EQTN: variants seen among roughly 807,000 people sequenced by gnomAD.
The protein encoded by EQTN is Acrosome formation associated factor.
A neutral mutation model predicts 26.9 loss-of-function variants in EQTN; 29 were observed. The ratio of observed to expected loss-of-function variants is 1.08; its 90% CI spans 0.80 to 1.47. The LOEUF (loss-of-function observed/expected upper bound fraction) is 1.47. Ranked by LOEUF, EQTN falls within the 40% of genes most tolerant of loss-of-function variation. The pLI is 0.00. For synonymous variants in EQTN, 129 were observed against 120.0 expected (o/e 1.07, Z -0.49); for missense variants, 391 against 346.1 (o/e 1.13, Z -1.03).
chr9:27,289,850 C>A, intron 5 of EQTN, 119 bp from the exon 6 acceptor site: 2 of 644,360 alleles, frequency 3.1e-6, no homozygotes, highest in Non-Finnish European at 4.9e-6. Flanking sequence ...TCTCATTATT[C>A]GTGGCAGTTA....
intron 5 of EQTN, 103 bp from the exon 6 acceptor site, chr9:27,289,834 G>T (rs1980660): frequency 0.87 from 701,720 of 806,586 alleles, 305,572 homozygotes; most frequent in Admixed American, 0.91. Context: ...TGTGTGTACA[G>T]TCTGTTCTCA....
chr9:27,292,447 A>G lies in EQTN; in HGVS notation c.330T>C (p.Ile110=), dbSNP rs1206859391. ...VNATTYEKST[I]EEETTTSEPS... ...GTTCGCTAGTAGTTGTTTCTTCTTCAATGGTGGATTTTTCATATGTAGTTG... is the reference window on the plus strand; with the variant it reads ...GTTCGCTAGTAGTTGTTTCTTCTTCGATGGTGGATTTTTCATATGTAGTTG... The change falls in exon 4 of 8, where the codon ATT becomes ATC. Residue 110 remains isoleucine, a synonymous_variant. Transcript: ENST00000380032. The G allele has an allele frequency of 3.1e-6, 5 of 1,609,314 alleles. No individual in the cohort carries two copies. The highest frequency in any genetic ancestry group is 1.7e-5 in the Admixed American group (1 of 59,688).
intron 7 of EQTN, among the ~76,000 whole-genome samples, chr9:27,285,568 A>G (rs12551942): frequency 0.052 from 7,867 of 152,332 alleles, 408 homozygotes; most frequent in Admixed American, 0.16. Context: ...AATAAGAAAC[A>G]TGTACAATGA....
intron 5 of EQTN, among the ~76,000 whole-genome samples, chr9:27,289,939 T>A (rs1820197644): frequency 6.6e-6 from 1 of 152,240 alleles, no homozygotes; most frequent in South Asian, 2.1e-4. Context: ...GTTAGATTCC[T>A]GCAAGTCTGG....
Position 27,294,309 on chromosome 9 carries a change from T to G in EQTN, c.289+7A>C, listed in dbSNP as rs747192300. ...TTACATGTGCAATGGTGCCTTTCAC[T>G]TCTTACCGTTTTTTAGAGCAAAATT... On this transcript the variant is annotated splice_region_variant and intron_variant, in intron 3 of 7. Transcript: ENST00000380032. 1.6e-5 allele frequency: 26 copies of G among 1,604,764 alleles called. No homozygotes were observed. The highest frequency in any genetic ancestry group is 1.8e-5 in the Non-Finnish European group (21 of 1,173,312).
chr9:27,289,473 C>A (rs906499891), intron 6 of EQTN, among the ~76,000 whole-genome samples, 199 bp downstream of exon 6: 5 of 152,172 alleles, frequency 3.3e-5, no homozygotes, highest in African/African-American at 1.2e-4. Context: ...CTCACTCTGT[C>A]GCTCAGGCTG....
At chr9:27,290,866 C>A (rs1820220504) in intron 5 of EQTN, among the ~76,000 whole-genome samples, 153 bp downstream of exon 5, 2 of 152,156 alleles carry the variant, frequency 1.3e-5, no homozygotes, top group Admixed American at 1.3e-4. Context: ...ACTTTATCAC[C>A]TTTCTAGGTT....
chr9:27,284,891 T>C lies in EQTN; in HGVS notation c.717A>G (p.Ser239=). The C allele has an allele frequency of 3.7e-6, 6 of 1,614,128 alleles. No individual in the cohort carries two copies. Among genetic ancestry groups the C allele is most frequent in the Non-Finnish European group, 5.1e-6 (6 of 1,179,988 alleles). ...MSYFHPSEGV[S]DTSFSKSAES... is the part of the protein sequence containing the mutation. ...CTGCACTCTTGGAAAAGGATGTATC[T>C]GAAACACCTTCTGATGGATGAAAGT... is the stretch of plus-strand genomic sequence containing the variant. Residue 239 remains serine, a synonymous_variant, in exon 8 of 8, where the codon TCA becomes TCG. Transcript: ENST00000380032.
In EQTN at chr9:27,289,702, C is replaced by T. The variant is rs137984899; in HGVS notation, c.451G>A (p.Asp151Asn). 226 of 1,607,678 alleles carry T rather than the reference C, an allele frequency of 1.4e-4. No individual in the cohort carries two copies. The highest frequency in any genetic ancestry group is 2.5e-4 in the Admixed American group (15 of 59,254). Residue 151 changes from aspartate to asparagine, a missense_variant, in exon 6 of 8, where the codon GAT (aspartate) becomes AAT (asparagine). Transcript: ENST00000380032. Reference protein sequence around the residue: ...AINGTAVVMDDKDQLFHPIPE... With the variant: ...AINGTAVVMDNKDQLFHPIPE... The stretch of plus-strand genomic sequence containing the variant: ...ATTGGGTGAAATAATTGATCTTTAT[C>T]ATCCATGACCACTGCTGTTCCATTT...
rs1436348479 is a variant in EQTN at position 27,292,486 on chromosome 9, A to G, written c.291T>C (p.Asp97=). The part of the protein sequence containing the change: ...TTDLNFALKN[D]KTVNATTYEK... ...CATATGTAGTTGCATTGACAGTTTT[A>G]TCTAGGAAAAGGGAAAAAGAATTAT... The change falls in exon 4 of 8, where the codon GAT becomes GAC. Residue 97 remains aspartate, a splice_region_variant and synonymous_variant. Transcript: ENST00000380032. The G allele has an allele frequency of 1.3e-6, 2 of 1,591,114 alleles. No homozygotes were observed. The highest frequency in any genetic ancestry group is 2.7e-5 in the African/African-American group (2 of 74,028).
At chr9:27,289,081 G>C (rs1820175577) in intron 6 of EQTN, among the ~76,000 whole-genome samples, 1 of 152,104 alleles carries the variant, frequency 6.6e-6, no homozygotes, top group African/African-American at 2.4e-5. Context: ...CAAGACATAG[G>C]GGAAACTGAG....
chr9:27,294,451 TC>T (rs746853392), intron 2 of EQTN, 49 bp from the exon 3 acceptor site: 6 of 1,170,178 alleles, frequency 5.1e-6, no homozygotes, highest in Admixed American at 2.2e-5. Flanking sequence ...TCACTTTTTT[TC>T]CTTTACCTTT....
Position 27,284,925 on chromosome 9 carries a change from G to C in EQTN, c.683C>G (p.Thr228Arg). ...TTCTGATGGATGAAAGTAAGACATC[G>C]TGGCCAGCTCTGGGTTGACAGAGTA... ...SQYSVNPELA[T>R]MSYFHPSEGV... The change falls in exon 8 of 8, where the codon ACG (threonine) becomes AGG (arginine). Residue 228 changes from threonine (T) to arginine (R), a missense_variant. By Grantham distance (71) the Thr-to-Arg change is moderately conservative. Coordinates refer to ENST00000380032, the MANE Select transcript of EQTN (RefSeq NM_020641.3). The C allele has an allele frequency of 6.2e-7, 1 of 1,614,032 alleles. No homozygotes were observed. The highest frequency in any genetic ancestry group is 1.1e-5 in the South Asian group (1 of 91,082).
intron 6 of EQTN, 31 bp from the exon 7 acceptor site, chr9:27,286,393 G>A (rs559262352): frequency 1.3e-6 from 2 of 1,559,112 alleles, no homozygotes; most frequent in South Asian, 1.2e-5. Context: ...GTGGAAAATA[G>A]GGTGTTCAGT....
chr9:27,295,038 T>C (rs1322761491), intron 2 of EQTN, among the ~76,000 whole-genome samples: 2 of 152,192 alleles, frequency 1.3e-5, no homozygotes, highest in African/African-American at 4.8e-5. Context: ...CAAAATTCTA[T>C]ACACACACGA....
In EQTN at chr9:27,294,314, A is replaced by G. The variant is rs1012914870; in HGVS notation, c.289+2T>C. On this transcript the variant is annotated splice_donor_variant, in intron 3 of 7. Coordinates refer to ENST00000380032, the MANE Select transcript of EQTN (RefSeq NM_020641.3). LOFTEE classifies it high-confidence loss of function. ...TGTGCAATGGTGCCTTTCACTTCTT[A>G]CCGTTTTTTAGAGCAAAATTCAGGT... 6.2e-7 allele frequency: 1 copy of G among 1,605,170 alleles called. No homozygotes were observed. Among genetic ancestry groups the G allele is most frequent in the African/African-American group, 1.3e-5 (1 of 74,880 alleles).
At chr9:27,296,572 C>A in intron 2 of EQTN, 41 bp downstream of exon 2, 2 of 1,316,944 alleles carry the variant, frequency 1.5e-6, no homozygotes, top group South Asian at 1.4e-5. Flanking sequence ...CCAGGATAAT[C>A]AACTTTTGCA....
At chr9:27,289,514 A>C (rs530539438) in intron 6 of EQTN, among the ~76,000 whole-genome samples, 158 bp downstream of exon 6, 72 of 152,144 alleles carry the variant, frequency 4.7e-4, no homozygotes, top group African/African-American at 1.7e-3. Context: ...GTGCCCACCT[A>C]ATTTTTGTAT....
At chr9:27,291,296 A>G (rs1820230231) in intron 4 of EQTN, among the ~76,000 whole-genome samples, 1 of 152,224 alleles carries the variant, frequency 6.6e-6, no homozygotes, top group South Asian at 2.1e-4. Flanking sequence ...CTGCTTATGT[A>G]GCAGATTAAT....
Sources: allele counts gnomAD v4.1 joint callset (sites outside exome capture counted in the v4.1 genomes callset), GRCh38; gene constraint gnomAD v4.1.1; transcripts MANE v1.5; gene names NCBI Gene and HGNC (gene_info 2026-07-23, HGNC 2026-07-21).